The following MPV17L variants were observed in gnomAD, a reference collection of about 807,000 sequenced individuals.
MPV17L encodes the protein MPV17 mitochondrial inner membrane protein like.
MPV17L carries 24 observed loss-of-function variants against 25.8 expected under a neutral mutation model. That is an observed-to-expected ratio of 0.93 (90% CI 0.67 to 1.31). The LOEUF (loss-of-function observed/expected upper bound fraction) is 1.31, where lower values mean the gene tolerates loss of function less well. Among genes scored for constraint, MPV17L ranks in the 50% most tolerant of loss-of-function variants. The pLI is 0.00. For synonymous variants in MPV17L, 102 were observed against 115.3 expected (o/e 0.88, Z 0.74); for missense variants, 250 against 265.6 (o/e 0.94, Z 0.41).
Position 15,408,126 on chromosome 16 carries a change from C to G in MPV17L, c.*14C>G, listed in dbSNP as rs565936368. ...CCGAAGAAATGAGAAGTCAAGGACT[C>G]TCTTAAAGGGACCACATTTTTTACC... On this transcript the variant is annotated 3_prime_UTR_variant, in exon 4 of 4. Coordinates refer to ENST00000396385, the MANE Select transcript of MPV17L (RefSeq NM_001128423.2). 33 of 1,558,066 alleles carry G rather than the reference C, an allele frequency of 2.1e-5. No individual in the cohort carries two copies. The highest frequency in any genetic ancestry group is 4.7e-5 in the East Asian group (2 of 42,616).
intron 2 of MPV17L, among the ~76,000 whole-genome samples, chr16:15,402,181 C>T (rs1218746907): frequency 2.0e-5 from 3 of 152,060 alleles, no homozygotes; most frequent in Admixed American, 6.6e-5. Context: ...ACTGTTTGCT[C>T]GGCACAAATA....
chr16:15,411,322 T>C lies in MPV17L; in HGVS notation c.*3210T>C, dbSNP rs1259592783. ...TACAGAAGCTGTGGTATCACTTTTA[T>C]GATAGAAGAATAGTGTTTGCATTTT... is the stretch of plus-strand genomic sequence containing the variant. On this transcript the variant is annotated 3_prime_UTR_variant, in exon 4 of 4. Transcript: ENST00000396385. The C allele has an allele frequency of 6.6e-6, 1 of 152,220 alleles. No individual in the cohort carries two copies. The highest frequency in any genetic ancestry group is 1.5e-5 in the Non-Finnish European group (1 of 68,050). 9.4% of individuals were successfully genotyped at this position (152,220 alleles called of 1,614,324 possible). A position where few individuals can be genotyped will look rare whatever the true frequency, so the allele number is the denominator to read the frequency against.
At position 15,412,305 on chromosome 16, in the gene MPV17L, T is replaced by A. The variant is rs1164004225; in HGVS notation, c.*4193T>A. ...TTAGCCGGGTGTGGTGGCTTGCACC[T>A]GTCCTCCCAGCTACTTGGGGGTGCT... is the stretch of plus-strand genomic sequence containing the variant. On this transcript the variant is annotated 3_prime_UTR_variant, in exon 4 of 4. Transcript: ENST00000396385. The A allele has an allele frequency of 6.6e-6, 1 of 151,994 alleles. No homozygotes were observed. The highest frequency in any genetic ancestry group is 1.9e-4 in the East Asian group (1 of 5,142). 9.4% of individuals were successfully genotyped at this position (151,994 alleles called of 1,614,324 possible).
chr16:15,401,080 A>ATTTTTTTTTTTTTTT (rs1478719757), intron 2 of MPV17L, among the ~76,000 whole-genome samples: 1 of 33,102 alleles, frequency 3.0e-5, no homozygotes, highest in Non-Finnish European at 6.7e-5. Flanking sequence ...ATATATATAT[A>ATTTTTTTTTTTTTTT]TATATATTTT....
chr16:15,395,792 C>A lies in MPV17L; in HGVS notation c.-106C>A. 1 of 1,039,262 alleles carries A rather than the reference C, an allele frequency of 9.6e-7. No individual in the cohort carries two copies. Among genetic ancestry groups the A allele is most frequent in the Non-Finnish European group, 1.3e-6 (1 of 778,912 alleles). The allele number at this position is 1,039,262 out of a possible 1,614,324, so 64.4% of individuals were successfully genotyped here. A position where few individuals can be genotyped will look rare whatever the true frequency, so the allele number is the denominator to read the frequency against. ...CTTCTGGAGGGGGCAGATGCAGGTG[C>A]CGGCTGCTGCAGTGCAGTAGCTGCT... On this transcript the variant is annotated 5_prime_UTR_variant, in exon 1 of 4. Transcript: ENST00000396385.
At chr16:15,402,182 G>A (rs1040971600) in intron 2 of MPV17L, among the ~76,000 whole-genome samples, 4 of 152,038 alleles carry the variant, frequency 2.6e-5, no homozygotes, top group African/African-American at 7.2e-5. Context: ...CTGTTTGCTC[G>A]GCACAAATAT....
At position 15,408,601 on chromosome 16, in the gene MPV17L, CTTTT is replaced by C. The variant is rs4013478; in HGVS notation, c.*507_*510del. 9.4e-5 allele frequency: 10 copies of C among 106,304 alleles called. No homozygotes were observed. The Admixed American group carries it at 1.2e-3, about 13-fold the overall frequency. The allele number at this position is 106,304 out of a possible 1,614,324, so 6.6% of individuals were successfully genotyped here. A position where few individuals can be genotyped will look rare whatever the true frequency, so the allele number is the denominator to read the frequency against. ...CACAATTTGTTATTTTAGTAAATAC[CTTTT>C]TTTTTTTTTTTTTTTTTGTGGTGGA... On this transcript the variant is annotated 3_prime_UTR_variant, in exon 4 of 4. Transcript: ENST00000396385.
At chr16:15,401,086 ATTT>A (rs1242552489) in intron 2 of MPV17L, among the ~76,000 whole-genome samples, 45 of 19,840 alleles carry the variant, frequency 2.3e-3, no homozygotes, top group South Asian at 0.012. Flanking sequence ...ATATATATAT[ATTT>A]TTTTTTTTTT....
rs2050745381 is a variant in MPV17L, at chr16:15,412,806, T to G, written c.*4694T>G. ...TGTGTTAGCCAGGATGGTCTCAACC[T>G]CCTGACCTCGTGATCTGCCTGCCTC... On this transcript the variant is annotated 3_prime_UTR_variant, in exon 4 of 4. Transcript: ENST00000396385. The G allele has an allele frequency of 6.6e-6, 1 of 151,414 alleles. No individual in the cohort carries two copies. Among genetic ancestry groups the G allele is most frequent in the Non-Finnish European group, 1.5e-5 (1 of 67,918 alleles). 9.4% of individuals were successfully genotyped at this position (151,414 alleles called of 1,614,324 possible).
Position 15,408,503 on chromosome 16 carries a change from G to A in MPV17L, c.*391G>A, listed in dbSNP as rs1040840163. The A allele has an allele frequency of 3.2e-5, 5 of 157,668 alleles. No individual in the cohort carries two copies. The highest frequency in any genetic ancestry group is 1.2e-4 in the African/African-American group (5 of 41,420). The allele number at this position is 157,668 out of a possible 1,614,324, so 9.8% of individuals were successfully genotyped here. On this transcript the variant is annotated 3_prime_UTR_variant, in exon 4 of 4. Transcript: ENST00000396385. Reference sequence around the variant, plus strand: ...GTTTTATACCAAAAAATAGTTCTTAGAGTGAATTTTAATTTACATAGAACT... The same window carrying A: ...GTTTTATACCAAAAAATAGTTCTTAAAGTGAATTTTAATTTACATAGAACT...
intron 2 of MPV17L, among the ~76,000 whole-genome samples, chr16:15,404,838 C>G (rs112954053): frequency 2.0e-5 from 3 of 151,874 alleles, no homozygotes; most frequent in African/African-American, 7.3e-5. Context: ...AACAAACAAA[C>G]AAAAAAGAAA....
chr16:15,400,942 T>A (rs2050629561), intron 2 of MPV17L, 85 bp downstream of exon 2: 2 of 885,750 alleles, frequency 2.3e-6, no homozygotes, highest in South Asian at 3.9e-5. Flanking sequence ...GTTTTGTGTT[T>A]ATATTTATAA....
At chr16:15,399,754 CTT>C (rs1178634911) in intron 1 of MPV17L, among the ~76,000 whole-genome samples, 8 of 151,892 alleles carry the variant, frequency 5.3e-5, no homozygotes, top group Non-Finnish European at 8.8e-5. Flanking sequence ...GTCCACTGGC[CTT>C]TTTTTATTTT....
chr16:15,396,333 GC>G, intron 1 of MPV17L, 126 bp downstream of exon 1: 1 of 1,254,598 alleles, frequency 8.0e-7, no homozygotes, highest in Non-Finnish European at 1.1e-6. Flanking sequence ...AGGAGCCGGG[GC>G]TCTGAGACCG....
chr16:15,403,671 C>CAA (rs201912807), intron 2 of MPV17L, among the ~76,000 whole-genome samples: 56 of 98,380 alleles, frequency 5.7e-4, no homozygotes, highest in East Asian at 1.6e-3. Flanking sequence ...GACCATGGTT[C>CAA]AAAAAAAAAA....
chr16:15,396,088 A>G lies in MPV17L; in HGVS notation c.191A>G (p.Tyr64Cys). The G allele has an allele frequency of 6.5e-7, 1 of 1,545,376 alleles. No homozygotes were observed. The highest frequency in any genetic ancestry group is 8.7e-7 in the Non-Finnish European group (1 of 1,147,718). The change falls in exon 1 of 4, where the codon TAC becomes TGC. Residue 64 changes from tyrosine (Y) to cysteine (C), a missense_variant. Transcript: ENST00000396385. Reference protein sequence around the residue: ...LVVTFHANFNYVWLRLLERAL... With the variant: ...LVVTFHANFNCVWLRLLERAL... ...GTGACCTTCCACGCCAACTTCAACT[A>G]CGTGTGGCTGCGCCTGCTGGAGCGC...
chr16:15,397,196 C>T (rs557239699), intron 1 of MPV17L, among the ~76,000 whole-genome samples: 7 of 152,240 alleles, frequency 4.6e-5, no homozygotes, highest in Non-Finnish European at 1.0e-4. Context: ...GGGTGCATGA[C>T]TGCATGTAGA....
In MPV17L at chr16:15,411,562, C is replaced by G. The variant is rs1478250720; in HGVS notation, c.*3450C>G. Reference sequence around the variant, plus strand: ...TTGGAAGACTCATGCAGGAGGATCTCTCGAGCTCAGGAGGCAGAAGATGAA... The same window carrying G: ...TTGGAAGACTCATGCAGGAGGATCTGTCGAGCTCAGGAGGCAGAAGATGAA... On this transcript the variant is annotated 3_prime_UTR_variant, in exon 4 of 4. Transcript: ENST00000396385. 2 of 152,124 alleles carry G rather than the reference C, an allele frequency of 1.3e-5. No individual in the cohort carries two copies. The highest frequency in any genetic ancestry group is 2.9e-5 in the Non-Finnish European group (2 of 68,048). 9.4% of individuals were successfully genotyped at this position (152,124 alleles called of 1,614,324 possible).
intron 2 of MPV17L, among the ~76,000 whole-genome samples, chr16:15,403,059 CTTT>C (rs756233326): frequency 5.0e-5 from 7 of 139,516 alleles, no homozygotes; most frequent in Admixed American, 1.5e-4. Context: ...GTACATCTAA[CTTT>C]TTTTTTTTTT....
Sources: allele counts gnomAD v4.1 joint callset (sites outside exome capture counted in the v4.1 genomes callset), GRCh38; gene constraint gnomAD v4.1.1; transcripts MANE v1.5; gene names NCBI Gene and HGNC (gene_info 2026-07-23, HGNC 2026-07-21).